The following ZSCAN5A variants were observed in gnomAD, a reference collection of about 807,000 sequenced individuals.
The protein encoded by ZSCAN5A is zinc finger and SCAN domain containing 5A.
A neutral mutation model predicts 23.7 loss-of-function variants in ZSCAN5A; 12 were observed. The ratio of observed to expected loss-of-function variants is 0.51; its 90% CI spans 0.32 to 0.82. ZSCAN5A has a LOEUF of 0.82. Ranked by LOEUF, ZSCAN5A falls within the 40% of genes least tolerant of loss-of-function variation. The pLI is 0.03. For missense variants in ZSCAN5A, 597 were observed against 617.9 expected (o/e 0.97, Z 0.36); for synonymous variants, 257 against 239.9 (o/e 1.07, Z -0.66).
intron 4 of ZSCAN5A, among the ~76,000 whole-genome samples, chr19:56,223,201 A>C (rs548029971): frequency 5.3e-5 from 8 of 152,290 alleles, no homozygotes; most frequent in African/African-American, 1.4e-4. Flanking sequence ...GACACACAAA[A>C]GCATCTCCAG....
chr19:56,359,123 C>T (rs867169789), intron 2 of ZSCAN5A, among the ~76,000 whole-genome samples: 60 of 150,920 alleles, frequency 4.0e-4, no homozygotes, highest in Admixed American at 4.0e-4. Context: ...TCAAAAAAAT[C>T]GACAAATCCA....
At chr19:56,344,626 G>T (rs1281978258) in intron 2 of ZSCAN5A, among the ~76,000 whole-genome samples, 2 of 148,384 alleles carry the variant, frequency 1.3e-5, no homozygotes, top group Non-Finnish European at 3.0e-5. Context: ...AGATACGGCC[G>T]GGCGCAGTGG....
intron 2 of ZSCAN5A, among the ~76,000 whole-genome samples, chr19:56,354,862 A>G (rs1001310197): frequency 2.6e-5 from 4 of 152,222 alleles, no homozygotes; most frequent in Admixed American, 6.5e-5. Context: ...GCGATTCCCT[A>G]AACTATGCAT....
At chr19:56,302,575 TCCTCCC>T (rs1568726519) in intron 2 of ZSCAN5A, among the ~76,000 whole-genome samples, 842 of 53,614 alleles carry the variant, frequency 0.016, 13 homozygotes, top group African/African-American at 0.036. Flanking sequence ...TTCCTTTTCT[TCCTCCC>T]CCTTTTCTTC....
At chr19:56,265,221 T>G (rs2037391713) in intron 2 of ZSCAN5A, among the ~76,000 whole-genome samples, 1 of 151,510 alleles carries the variant, frequency 6.6e-6, no homozygotes, top group Non-Finnish European at 1.5e-5. Flanking sequence ...ATTTCAGAAT[T>G]ACAAAAAAAC....
At chr19:56,255,545 C>T (rs572338447) in intron 2 of ZSCAN5A, among the ~76,000 whole-genome samples, 3 of 152,258 alleles carry the variant, frequency 2.0e-5, no homozygotes, top group Non-Finnish European at 4.4e-5. Context: ...CTCCCTCTAA[C>T]GGGTCCACGT....
At chr19:56,262,210 G>A (rs2037173428) in intron 2 of ZSCAN5A, among the ~76,000 whole-genome samples, 1 of 152,010 alleles carries the variant, frequency 6.6e-6, no homozygotes, top group Non-Finnish European at 1.5e-5. Context: ...GTAGAGACAA[G>A]GTTTCACCAT....
At chr19:56,266,076 T>C (rs1396624601) in intron 2 of ZSCAN5A, 1 of 152,222 alleles carries the variant, frequency 6.6e-6, no homozygotes, top group African/African-American at 2.4e-5. Context: ...ATTATTGGCT[T>C]TGTTGACTTT....
intron 2 of ZSCAN5A, among the ~76,000 whole-genome samples, chr19:56,248,955 G>C (rs2036151859): frequency 6.6e-6 from 1 of 152,104 alleles, no homozygotes; most frequent in Non-Finnish European, 1.5e-5. Context: ...CTGTGGGTTT[G>C]GACAAAGGCC....
chr19:56,279,381 C>G (rs2038509113), intron 2 of ZSCAN5A, among the ~76,000 whole-genome samples: 2 of 152,122 alleles, frequency 1.3e-5, no homozygotes, highest in African/African-American at 4.8e-5. Context: ...AGCAAAATTC[C>G]TAGCGCTCAG....
intron 2 of ZSCAN5A, among the ~76,000 whole-genome samples, chr19:56,296,802 C>T (rs1305737213): frequency 2.0e-5 from 3 of 151,884 alleles, no homozygotes; most frequent in African/African-American, 4.8e-5. Context: ...GGGAGGCCGA[C>T]GTGGGTGGAT....
intron 2 of ZSCAN5A, chr19:56,320,076 A>C: frequency 1.3e-6 from 1 of 776,316 alleles, no homozygotes; most frequent in South Asian, 1.3e-5. Context: ...CTCTTCTTAT[A>C]CCTGTCACTG....
chr19:56,365,793 T>C (rs185778036), intron 1 of ZSCAN5A: 13 of 152,332 alleles, frequency 8.5e-5, no homozygotes, highest in Non-Finnish European at 1.6e-4. Flanking sequence ...TGAACTCTAA[T>C]TGATGAATTG....
intron 2 of ZSCAN5A, among the ~76,000 whole-genome samples, chr19:56,276,232 T>C (rs1201418890): frequency 6.6e-6 from 1 of 152,216 alleles, no homozygotes; most frequent in Non-Finnish European, 1.5e-5. Context: ...TGCACAGACC[T>C]GCCATGGGGT....
chr19:56,312,808 C>T (rs1356076270), intron 2 of ZSCAN5A, among the ~76,000 whole-genome samples: 7 of 152,328 alleles, frequency 4.6e-5, no homozygotes, highest in East Asian at 3.9e-4. Context: ...ACTTATCTTA[C>T]GTGTTTGTGT....
At chr19:56,326,305 T>TTG (rs368735639) in intron 2 of ZSCAN5A, among the ~76,000 whole-genome samples, 13,227 of 145,486 alleles carry the variant, frequency 0.091, 755 homozygotes, top group African/African-American at 0.18. Flanking sequence ...ACAGTTACCA[T>TTG]TGTGTGTGTG....
At chr19:56,346,000 C>T (rs1164973050) in intron 2 of ZSCAN5A, among the ~76,000 whole-genome samples, 1 of 152,180 alleles carries the variant, frequency 6.6e-6, no homozygotes, top group African/African-American at 2.4e-5. Context: ...GGGAGTTGCA[C>T]CTTCTCCATT....
chr19:56,301,831 T>C (rs1373786506), intron 2 of ZSCAN5A: 10 of 1,019,344 alleles, frequency 9.8e-6, no homozygotes, highest in Non-Finnish European at 1.3e-5. Flanking sequence ...TGATGGTGGG[T>C]GTGGACCAAA....
intron 2 of ZSCAN5A, among the ~76,000 whole-genome samples, chr19:56,262,734 G>A (rs1013577021): frequency 7.9e-5 from 12 of 152,098 alleles, no homozygotes; most frequent in African/African-American, 2.2e-4. Context: ...GCCCGGCCCT[G>A]ATTTTCATTC....
Sources: allele counts gnomAD v4.1 joint callset (sites outside exome capture counted in the v4.1 genomes callset), GRCh38; gene constraint gnomAD v4.1.1; transcripts MANE v1.5; gene names NCBI Gene and HGNC (gene_info 2026-07-23, HGNC 2026-07-21).